The following MYL1 variants were observed in gnomAD, a reference collection of about 807,000 sequenced individuals.
MYL1 encodes the protein myosin light chain 1.
Under a neutral mutation model 21.8 loss-of-function variants are expected in MYL1, and 16 were observed. The observed-to-expected ratio is 0.74, with a 90% CI of 0.50 to 1.12. The LOEUF (loss-of-function observed/expected upper bound fraction) is 1.12. Among genes scored for constraint, MYL1 ranks in the 50% most tolerant of loss-of-function variants. The pLI is 0.00. For missense variants in MYL1, 246 were observed against 241.0 expected (o/e 1.02, Z -0.14); for synonymous variants, 99 against 85.2 (o/e 1.16, Z -0.89).
chr2:210,315,124 G>T lies in MYL1; in HGVS notation c.-82C>A. ...CAAAATGATTCTTGGAAGAGGAGTG[G>T]TGGTTGGGTTGATCCACAGCCCAGT... On this transcript the variant is annotated 5_prime_UTR_variant, in exon 1 of 7. Coordinates refer to ENST00000352451, the MANE Select transcript of MYL1 (RefSeq NM_079420.3). The T allele has an allele frequency of 2.6e-6, 4 of 1,545,664 alleles. No homozygotes were observed. Among genetic ancestry groups the T allele is most frequent in the Non-Finnish European group, 3.5e-6 (4 of 1,147,820 alleles).
chr2:210,300,678 G>C (rs1008040063), intron 2 of MYL1, among the ~76,000 whole-genome samples: 1 of 152,092 alleles, frequency 6.6e-6, no homozygotes, highest in Non-Finnish European at 1.5e-5. Flanking sequence ...AATGTGACTA[G>C]TGCAAGTGAG....
At chr2:210,309,499 T>C (rs1219645690) in intron 1 of MYL1, among the ~76,000 whole-genome samples, 1 of 152,076 alleles carries the variant, frequency 6.6e-6, no homozygotes, top group East Asian at 1.9e-4. Context: ...CCATATAATA[T>C]ACCTTTTAAC....
chr2:210,307,263 G>A (rs1690352263), intron 1 of MYL1, among the ~76,000 whole-genome samples: 1 of 152,052 alleles, frequency 6.6e-6, no homozygotes, highest in African/African-American at 2.4e-5. Context: ...ACCTGTCTCC[G>A]ATAGAGCACT....
chr2:210,313,275 G>T (rs1366515457), intron 1 of MYL1, among the ~76,000 whole-genome samples: 1 of 151,916 alleles, frequency 6.6e-6, no homozygotes, highest in African/African-American at 2.4e-5. Context: ...ATACAAACAG[G>T]TAACATTGTC....
chr2:210,314,874 A>G (rs375114906), intron 1 of MYL1, 37 bp downstream of exon 1: 3 of 1,611,504 alleles, frequency 1.9e-6, no homozygotes, highest in Non-Finnish European at 2.5e-6. Context: ...CTATTGAAAG[A>G]TGTTTCAGTG....
intron 3 of MYL1, among the ~76,000 whole-genome samples, chr2:210,295,415 C>A (rs908989109): frequency 6.6e-6 from 1 of 152,004 alleles, no homozygotes. Context: ...AGGTGGACTC[C>A]TTGAGCTCAG....
chr2:210,298,974 G>T (rs1350498921), intron 2 of MYL1, among the ~76,000 whole-genome samples: 3 of 152,136 alleles, frequency 2.0e-5, no homozygotes, highest in Non-Finnish European at 4.4e-5. Flanking sequence ...CATGGTATGT[G>T]AGGTTAACTC....
At chr2:210,296,512 G>A (rs367602122) in intron 3 of MYL1, among the ~76,000 whole-genome samples, 1 of 152,110 alleles carries the variant, frequency 6.6e-6, no homozygotes, top group Non-Finnish European at 1.5e-5. Flanking sequence ...TCTGTTGGGC[G>A]CAGTGGCTCA....
chr2:210,309,510 T>C (rs1049750207), intron 1 of MYL1, among the ~76,000 whole-genome samples: 1 of 152,098 alleles, frequency 6.6e-6, no homozygotes, highest in Non-Finnish European at 1.5e-5. Flanking sequence ...ACCTTTTAAC[T>C]AGTATAATTG....
intron 5 of MYL1, among the ~76,000 whole-genome samples, chr2:210,291,518 T>G (rs1690075419): frequency 6.6e-6 from 1 of 152,222 alleles, no homozygotes; most frequent in Admixed American, 6.5e-5. Context: ...TTCCCCTTTT[T>G]ACTGCTAAAT....
At position 210,302,567 on chromosome 2, in the gene MYL1, CT is replaced by C. The variant is rs1690280262; in HGVS notation, c.133-53del. 3 of 1,582,660 alleles carry C rather than the reference CT, an allele frequency of 1.9e-6. No individual in the cohort carries two copies. In the South Asian group the frequency reaches 3.5e-5, roughly 18 times the overall value. Reference sequence around the variant, plus strand: ...AATGTTTTAACCAAACAAAAATGTGCTGATTTTTAGTTGTATCCAGCTCATT... The same window carrying C: ...AATGTTTTAACCAAACAAAAATGTGCGATTTTTAGTTGTATCCAGCTCATT... On this transcript the variant is annotated intron_variant, in intron 1 of 6. Coordinates refer to ENST00000352451, the MANE Select transcript of MYL1 (RefSeq NM_079420.3).
At chr2:210,300,179 G>T (rs1470209553) in intron 2 of MYL1, among the ~76,000 whole-genome samples, 7 of 152,068 alleles carry the variant, frequency 4.6e-5, no homozygotes, top group Non-Finnish European at 1.5e-5. Flanking sequence ...TGCTCAGCAG[G>T]CTCACTATTA....
chr2:210,315,145 C>T lies in MYL1; in HGVS notation c.-103G>A. 1 of 1,410,488 alleles carries T rather than the reference C, an allele frequency of 7.1e-7. No homozygotes were observed. The highest frequency in any genetic ancestry group is 9.7e-7 in the Non-Finnish European group (1 of 1,031,306). 87.4% of individuals were successfully genotyped at this position (1,410,488 alleles called of 1,614,324 possible). A position where few individuals can be genotyped will look rare whatever the true frequency, so the allele number is the denominator to read the frequency against. On this transcript the variant is annotated 5_prime_UTR_variant, in exon 1 of 7. Transcript: ENST00000352451. ...AGTGGTGGTTGGGTTGATCCACAGC[C>T]CAGTGTCTTGAAGATGGACCCAGAG...
chr2:210,303,707 C>T, intron 1 of MYL1: 1 of 917,862 alleles, frequency 1.1e-6, no homozygotes, highest in Non-Finnish European at 1.6e-6. Context: ...TGCCACACCC[C>T]TTGGAGAGTT....
intron 5 of MYL1, 92 bp from the exon 6 acceptor site, chr2:210,291,166 A>G: frequency 2.1e-6 from 2 of 966,226 alleles, no homozygotes; most frequent in Non-Finnish European, 3.3e-6. Flanking sequence ...GCTCAATCCT[A>G]TTTTTAGCTG....
chr2:210,314,498 T>C (rs1468558853), intron 1 of MYL1, among the ~76,000 whole-genome samples: 2 of 152,234 alleles, frequency 1.3e-5, no homozygotes, highest in Admixed American at 1.3e-4. Flanking sequence ...TTTAAACTTC[T>C]GGAAATAAGT....
chr2:210,308,089 T>TG (rs983122348), intron 1 of MYL1, among the ~76,000 whole-genome samples: 2 of 151,812 alleles, frequency 1.3e-5, no homozygotes, highest in African/African-American at 2.4e-5. Context: ...CAACATACAA[T>TG]GGGGATTAAT....
In MYL1 at chr2:210,315,062, G is replaced by T; in HGVS notation, c.-20C>A. 1 of 1,591,220 alleles carries T rather than the reference G, an allele frequency of 6.3e-7. No homozygotes were observed. Among genetic ancestry groups the T allele is most frequent in the East Asian group, 2.2e-5 (1 of 44,780 alleles). ...TGCCATTTTTTTTTTTAAAAGGGTG[G>T]GTTAAAAAGAGAAGGAGTTCCTCCA... On this transcript the variant is annotated 5_prime_UTR_variant, in exon 1 of 7. Coordinates refer to ENST00000352451, the MANE Select transcript of MYL1 (RefSeq NM_079420.3).
chr2:210,303,508 T>C, intron 1 of MYL1: 1 of 1,598,420 alleles, frequency 6.3e-7, no homozygotes, highest in South Asian at 1.1e-5. Flanking sequence ...TATTTTCTCC[T>C]ATAAATGACA....
Sources: gnomAD v4.1 joint callset for allele counts (sites outside exome capture counted in the v4.1 genomes callset) on GRCh38, gnomAD v4.1.1 for gene constraint, MANE v1.5 for transcripts, NCBI Gene and HGNC (gene_info 2026-07-23, HGNC 2026-07-21) for gene names.